Variants in EVC2 observed in about 807,000 individuals in gnomAD.
EVC2 encodes the protein EvC ciliary complex subunit 2, also known as limbin.
A neutral mutation model predicts 149.3 loss-of-function variants in EVC2; 148 were observed. The ratio of observed to expected loss-of-function variants is 0.99; its 90% CI spans 0.87 to 1.14. The LOEUF is 1.14. Among genes scored for constraint, EVC2 ranks in the 50% most tolerant of loss-of-function variants. EVC2 has a pLI of 0.00. For missense variants in EVC2, 1,854 were observed against 1,627.3 expected, an observed-to-expected ratio of 1.14 and a Z score of -2.40; for synonymous variants, 776 against 649.9, an observed-to-expected ratio of 1.19 and a Z score of -2.95.
intron 7 of EVC2, among the ~76,000 whole-genome samples, chr4:5,668,569 A>G (rs1278422568): frequency 1.3e-5 from 2 of 152,236 alleles, no homozygotes; most frequent in South Asian, 2.1e-4. Context: ...TAAGCTGAAT[A>G]AACGTAAATA....
chr4:5,595,612 T>A (rs1458396573), intron 16 of EVC2, among the ~76,000 whole-genome samples: 5 of 151,910 alleles, frequency 3.3e-5, no homozygotes, highest in South Asian at 2.1e-4. Context: ...CACTGCAAAA[T>A]CAAGCCAAAT....
intron 9 of EVC2, among the ~76,000 whole-genome samples, chr4:5,653,351 A>T (rs569531302): frequency 1.3e-5 from 2 of 152,272 alleles, no homozygotes; most frequent in South Asian, 4.2e-4. Context: ...ACAACATCCA[A>T]CTAGAAATGG....
intron 1 of EVC2, among the ~76,000 whole-genome samples, chr4:5,701,423 C>G (rs917007905): frequency 6.6e-6 from 1 of 152,310 alleles, no homozygotes; most frequent in Admixed American, 6.5e-5. Flanking sequence ...TTCTGCCGAC[C>G]ATGGTGAGCC....
intron 7 of EVC2, among the ~76,000 whole-genome samples, chr4:5,675,430 A>G (rs1015712006): frequency 3.8e-4 from 58 of 152,210 alleles, no homozygotes; most frequent in African/African-American, 1.3e-3. Context: ...AAACATATTG[A>G]TAGATGTGTG....
chr4:5,579,883 G>A (rs1711609690), intron 17 of EVC2, among the ~76,000 whole-genome samples: 1 of 152,096 alleles, frequency 6.6e-6, no homozygotes. Flanking sequence ...GTGAGGCTTG[G>A]GAAAGTAAAC....
At chr4:5,704,720 GTTT>G (rs1233815487) in intron 1 of EVC2, among the ~76,000 whole-genome samples, 1 of 152,216 alleles carries the variant, frequency 6.6e-6, no homozygotes, top group African/African-American at 2.4e-5. Flanking sequence ...TGTTGTTGTT[GTTT>G]GAGAGAGGGT....
rs1474157750 is a variant in EVC2, at chr4:5,628,662, T to G, written c.1783A>C (p.Arg595=). Residue 595 remains arginine, a synonymous_variant, in exon 12 of 22, where the codon AGG becomes CGG. Coordinates refer to ENST00000344408, the MANE Select transcript of EVC2 (RefSeq NM_147127.5). ...TGGAGGTTCTGGACCAGATATTCCC[T>G]GTGGCCAAATCTTTTACTTAGATGA... ...RYHLSKRFGH[R]EYLVQNLQSS... 2.5e-6 allele frequency: 4 copies of G among 1,613,896 alleles called. No homozygotes were observed. Among genetic ancestry groups the G allele is most frequent in the Non-Finnish European group, 3.4e-6 (4 of 1,180,014 alleles).
chr4:5,587,839 C>T (rs200251391), intron 16 of EVC2, among the ~76,000 whole-genome samples: 1 of 152,266 alleles, frequency 6.6e-6, no homozygotes, highest in Non-Finnish European at 1.5e-5. Context: ...TTCACAGTGC[C>T]TTTTTTATGC....
intron 16 of EVC2, among the ~76,000 whole-genome samples, chr4:5,608,968 G>C (rs2108819837): frequency 6.6e-6 from 1 of 152,142 alleles, no homozygotes. Flanking sequence ...TCCGGAGCTG[G>C]GATATCCATC....
downstream of EVC2, among the ~76,000 whole-genome samples, chr4:5,558,786 C>G (rs11721882): frequency 0.52 from 79,014 of 152,038 alleles, 22,690 homozygotes; most frequent in Non-Finnish European, 0.66. Context: ...AAGTTGTTTC[C>G]CACATGGGTC....
Position 5,708,544 on chromosome 4 carries a change from C to G in EVC2, c.-31G>C, listed in dbSNP as rs755396030. The G allele has an allele frequency of 8.7e-6, 12 of 1,380,794 alleles. No individual in the cohort carries two copies. Among genetic ancestry groups the G allele is most frequent in the Non-Finnish European group, 1.1e-5 (12 of 1,065,716 alleles). The allele number at this position is 1,380,794 out of a possible 1,614,324, so 85.5% of individuals were successfully genotyped here. A position where few individuals can be genotyped will look rare whatever the true frequency, so the allele number is the denominator to read the frequency against. On this transcript the variant is annotated 5_prime_UTR_variant, in exon 1 of 22. Transcript: ENST00000344408. ...GTCGGGACCCGCTACCTCAAAGCGG[C>G]GGGTGCCGCCGAGTCGCTGGAGCTT...
intron 7 of EVC2, among the ~76,000 whole-genome samples, chr4:5,666,209 T>C (rs1031458730): frequency 1.3e-5 from 2 of 149,358 alleles, no homozygotes; most frequent in Admixed American, 6.7e-5. Context: ...CCTTCTAGCA[T>C]TTTTTAGGTT....
intron 10 of EVC2, 105 bp from the exon 11 acceptor site, chr4:5,632,137 C>T (rs1716589392): frequency 6.9e-7 from 1 of 1,450,642 alleles, no homozygotes; most frequent in Non-Finnish European, 9.4e-7. Context: ...ACAATGTGTA[C>T]ATGAACACAC....
Position 5,576,021 on chromosome 4 carries a change from G to A in EVC2, c.3272+219C>T, listed in dbSNP as rs943273778. On this transcript the variant is annotated intron_variant, in intron 18 of 21. Coordinates refer to ENST00000344408, the MANE Select transcript of EVC2 (RefSeq NM_147127.5). The surrounding 1 kb of genome is among the most constrained non-coding windows in gnomAD (Gnocchi z 4.5). ...AAAATAAAAAGTTTAAAAATATTAC[G>A]TTTGGTAAAACTTCAATGATATTAA... Among the ~76,000 whole-genome samples, 2 of 152,134 alleles carry A rather than the reference G, an allele frequency of 1.3e-5. No individual in the cohort carries two copies. The highest frequency in any genetic ancestry group is 2.4e-5 in the African/African-American group (1 of 41,410).
intron 9 of EVC2, among the ~76,000 whole-genome samples, chr4:5,656,892 C>G (rs962992077): frequency 1.3e-5 from 2 of 152,208 alleles, no homozygotes; most frequent in Non-Finnish European, 2.9e-5. Flanking sequence ...TCCCTCTCAC[C>G]TGGAAAAGCT....
At chr4:5,557,442 C>T (rs73072218), downstream of EVC2, among the ~76,000 whole-genome samples, 385 of 152,266 alleles carry the variant, frequency 2.5e-3, no homozygotes, top group African/African-American at 7.7e-3. Context: ...AAACCTATAG[C>T]TAATCTCATA....
chr4:5,551,899 T>A lies in EVC2; in HGVS notation c.3420-8687A>T, dbSNP rs1436253319. 2.0e-5 allele frequency among the ~76,000 whole-genome samples: 3 copies of A among 152,170 alleles called. No individual in the cohort carries two copies. The South Asian group carries it at 6.2e-4, about 32-fold the overall frequency. On this transcript the variant is annotated intron_variant and NMD_transcript_variant, in intron 21 of 22. Coordinates refer to the EVC2 transcript ENST00000475313. ...TGCTCTTTCTCTTTGCCTGCCACCA[T>A]CCATGTAAGATGTGACTTGCTCCTC...
At chr4:5,695,311 G>A (rs1721404040) in intron 2 of EVC2, among the ~76,000 whole-genome samples, 1 of 149,466 alleles carries the variant, frequency 6.7e-6, no homozygotes, top group African/African-American at 2.5e-5. Flanking sequence ...TCATGCCACT[G>A]CACTCCAGTC....
chr4:5,537,376 G>T, the EVC2 span, among the ~76,000 whole-genome samples: 16,961 of 152,138 alleles, frequency 0.11, 1,022 homozygotes, highest in South Asian at 0.28. Context: ...CACCCAAAAG[G>T]ATTCCAGGAA....
Sources: allele counts gnomAD v4.1 joint callset (sites outside exome capture counted in the v4.1 genomes callset), GRCh38; gene constraint gnomAD v4.1.1; non-coding constraint Gnocchi (gnomAD v3.1); transcripts MANE v1.5; gene names NCBI Gene and HGNC (gene_info 2026-07-23, HGNC 2026-07-21).